Variants in ACADM observed in about 807,000 individuals in gnomAD.
ACADM encodes medium-chain specific acyl-CoA dehydrogenase, mitochondrial.
A neutral mutation model predicts 58.9 loss-of-function variants in ACADM; 49 were observed. That is an observed-to-expected ratio of 0.83 (90% confidence interval 0.66 to 1.06). The LOEUF (loss-of-function observed/expected upper bound fraction) is 1.06. Among genes scored for constraint, ACADM ranks in the 50% least tolerant of loss-of-function variants. ACADM has a pLI of 0.00. For missense variants in ACADM, 496 were observed against 507.0 expected, an observed-to-expected ratio of 0.98 and a Z score of 0.21; for synonymous variants, 160 against 157.7, an observed-to-expected ratio of 1.01 and a Z score of -0.11.
chr1:75,744,870 T>C (rs1255718926), intron 7 of ACADM: 9 of 396,192 alleles, frequency 2.3e-5, no homozygotes, highest in Admixed American at 1.1e-4. Flanking sequence ...AGAATAAAAT[T>C]AGTTTTGGGA....
At chr1:75,757,389 G>C (rs1648568083) in intron 10 of ACADM, among the ~76,000 whole-genome samples, 1 of 152,084 alleles carries the variant, frequency 6.6e-6, no homozygotes, top group African/African-American at 2.4e-5. Context: ...TCAAAAAGTG[G>C]GTGAAGGATA....
At chr1:75,739,815 G>C (rs1647463460) in intron 6 of ACADM, among the ~76,000 whole-genome samples, 165 bp from the exon 7 acceptor site, 1 of 152,112 alleles carries the variant, frequency 6.6e-6, no homozygotes, top group Admixed American at 6.5e-5. Flanking sequence ...AAACAGAAAA[G>C]TTTTTACATT....
Position 75,762,923 on chromosome 1 carries a change from G to C in ACADM, c.*160G>C. The C allele has an allele frequency of 3.6e-6, 2 of 558,936 alleles. No individual in the cohort carries two copies. Among genetic ancestry groups the C allele is most frequent in the Non-Finnish European group, 6.4e-6 (2 of 310,454 alleles). 34.6% of individuals were successfully genotyped at this position (558,936 alleles called of 1,614,324 possible). On this transcript the variant is annotated 3_prime_UTR_variant, in exon 12 of 12. Coordinates refer to ENST00000370841, the MANE Select transcript of ACADM (RefSeq NM_000016.6). ...GTAGTTTATACTTTTGCTTAACTCT[G>C]TTATGTCTCTTAAGCAGGTTTGGTT...
chr1:75,743,552 C>T, intron 7 of ACADM: 2 of 1,600,662 alleles, frequency 1.2e-6, no homozygotes, highest in Non-Finnish European at 1.7e-6. Flanking sequence ...TGCACCTCTA[C>T]CTTGCCTCCT....
chr1:75,743,429 AGAG>A (rs1647696282), intron 7 of ACADM: 1 of 1,610,266 alleles, frequency 6.2e-7, no homozygotes, highest in East Asian at 2.2e-5. Context: ...TAAAGATCAA[AGAG>A]GAGGACTCTG....
chr1:75,750,069 T>G (rs976928254), intron 9 of ACADM, among the ~76,000 whole-genome samples: 1 of 152,156 alleles, frequency 6.6e-6, no homozygotes, highest in African/African-American at 2.4e-5. Context: ...CTATACATTA[T>G]AGAAATTATT....
intron 7 of ACADM, among the ~76,000 whole-genome samples, chr1:75,740,852 G>T (rs1362270559): frequency 1.3e-5 from 2 of 152,132 alleles, no homozygotes; most frequent in Non-Finnish European, 1.5e-5. Flanking sequence ...AAATCTAGAA[G>T]CATGTAAGTA....
rs577779206 is a variant in ACADM at position 75,751,875 on chromosome 1, G to A, written c.945+1329G>A. On this transcript the variant is annotated intron_variant, in intron 10 of 11. Coordinates refer to ENST00000370841, the MANE Select transcript of ACADM (RefSeq NM_000016.6). ...TAATTTTAGTACTATAAAGAGTCGTGTCTTCCATGAATTTCCAGGGTAATT... is the reference window on the plus strand; with the variant it reads ...TAATTTTAGTACTATAAAGAGTCGTATCTTCCATGAATTTCCAGGGTAATT... 2.8e-4 allele frequency among the ~76,000 whole-genome samples: 43 copies of A among 152,012 alleles called. No individual in the cohort carries two copies. In the South Asian group the frequency reaches 3.3e-3, roughly 12 times the overall value.
chr1:75,739,840 G>C, intron 6 of ACADM, 140 bp from the exon 7 acceptor site: 1 of 619,440 alleles, frequency 1.6e-6, no homozygotes, highest in Non-Finnish European at 2.5e-6. Context: ...TGGTTTCTTT[G>C]ATTTTGTAAG....
intron 1 of ACADM, among the ~76,000 whole-genome samples, chr1:75,725,561 G>A (rs982287024): frequency 6.6e-6 from 1 of 152,140 alleles, no homozygotes; most frequent in Non-Finnish European, 1.5e-5. Context: ...CACCAGAAAA[G>A]CAGATTTCTC....
At chr1:75,739,738 C>G (rs1283745297) in intron 6 of ACADM, among the ~76,000 whole-genome samples, 1 of 152,120 alleles carries the variant, frequency 6.6e-6, no homozygotes, top group Non-Finnish European at 1.5e-5. Context: ...GTCCAGGAAG[C>G]CAAGACTGCA....
intron 10 of ACADM, among the ~76,000 whole-genome samples, chr1:75,760,346 T>TG (rs1345510054): frequency 7.1e-6 from 1 of 141,082 alleles, no homozygotes; most frequent in African/African-American, 2.6e-5. Context: ...CGCTTGAACC[T>TG]GGGGGGCAGA....
At position 75,749,562 on chromosome 1, in the gene ACADM, A is replaced by G; in HGVS notation, c.849+3A>G. The stretch of plus-strand genomic sequence containing the variant: ...CTTTTGATAAAACCAGACCTGTAGT[A>G]AGTAATATGGGTTCATAATCTTTAT... On this transcript the variant is annotated splice_donor_region_variant and intron_variant, in intron 9 of 11. Transcript: ENST00000370841. 6.2e-7 allele frequency: 1 copy of G among 1,613,046 alleles called. No homozygotes were observed. Among genetic ancestry groups the G allele is most frequent in the Non-Finnish European group, 8.5e-7 (1 of 1,179,076 alleles).
chr1:75,751,340 A>C (rs1009154124), intron 10 of ACADM, among the ~76,000 whole-genome samples: 12 of 151,876 alleles, frequency 7.9e-5, no homozygotes, highest in Non-Finnish European at 1.6e-4. Context: ...ACTCCGTCTC[A>C]AAAAAGAAAA....
chr1:75,750,555 A>C lies in ACADM; in HGVS notation c.945+9A>C, dbSNP rs768654898. The C allele has an allele frequency of 6.4e-7, 1 of 1,562,152 alleles. No homozygotes were observed. Among genetic ancestry groups the C allele is most frequent in the Non-Finnish European group, 8.8e-7 (1 of 1,135,512 alleles). Reference sequence around the variant, plus strand: ...GAAAGCTACTTGTAGAGGTAATTTTAATACTGCTTGCTTTGTTCAAATGTA... The same window carrying C: ...GAAAGCTACTTGTAGAGGTAATTTTCATACTGCTTGCTTTGTTCAAATGTA... On this transcript the variant is annotated intron_variant, in intron 10 of 11. Coordinates refer to ENST00000370841, the MANE Select transcript of ACADM (RefSeq NM_000016.6).
At chr1:75,730,101 G>T (rs1647124839) in intron 2 of ACADM, among the ~76,000 whole-genome samples, 2 of 151,974 alleles carry the variant, frequency 1.3e-5, no homozygotes, top group South Asian at 4.1e-4. Flanking sequence ...CGCCATGTTG[G>T]CAACGCTGGT....
Position 75,763,509 on chromosome 1 carries a change from A to ATT in ACADM, c.*751_*752dup, listed in dbSNP as rs1648958170. The ATT allele has an allele frequency of 6.6e-6, 1 of 151,846 alleles. No individual in the cohort carries two copies. The highest frequency in any genetic ancestry group is 1.5e-5 in the Non-Finnish European group (1 of 67,946). The allele number at this position is 151,846 out of a possible 1,614,324, so 9.4% of individuals were successfully genotyped here. A position where few individuals can be genotyped will look rare whatever the true frequency, so the allele number is the denominator to read the frequency against. On this transcript the variant is annotated 3_prime_UTR_variant, in exon 12 of 12. Coordinates refer to ENST00000370841, the MANE Select transcript of ACADM (RefSeq NM_000016.6). ...AGTGCTTATTATCATATCTTTCTGTATTTTTTCCAGGAAATTTCATTACTT... is the reference window on the plus strand; with the variant it reads ...AGTGCTTATTATCATATCTTTCTGTATTTTTTTTCCAGGAAATTTCATTACTT...
intron 10 of ACADM, among the ~76,000 whole-genome samples, chr1:75,756,945 C>A (rs982083045): frequency 6.6e-6 from 1 of 152,038 alleles, no homozygotes; most frequent in Non-Finnish European, 1.5e-5. Flanking sequence ...ACCTGACAAA[C>A]ACAAGAAATG....
At chr1:75,745,416 G>T (rs1647837795) in intron 7 of ACADM, 1 of 189,960 alleles carries the variant, frequency 5.3e-6, no homozygotes, top group Non-Finnish European at 1.1e-5. Context: ...AGCTGGGGAA[G>T]TCGAGACTGC....
Sources: gnomAD v4.1 joint callset for allele counts (sites outside exome capture counted in the v4.1 genomes callset) on GRCh38, gnomAD v4.1.1 for gene constraint, MANE v1.5 for transcripts, NCBI Gene and HGNC (gene_info 2026-07-23, HGNC 2026-07-21) for gene names.